CARNMT1: variants seen among roughly 807,000 people sequenced by gnomAD.
CARNMT1 encodes carnosine N-methyltransferase 1, also known as protein-L-histidine N-pros-methyltransferase CARNMT1.
Under a neutral mutation model 49.6 loss-of-function variants are expected in CARNMT1, and 28 were observed. That is an observed-to-expected ratio of 0.56 (90% CI 0.42 to 0.77). The LOEUF (loss-of-function observed/expected upper bound fraction) is 0.77. Ranked by LOEUF, CARNMT1 falls within the 30% of genes least tolerant of loss-of-function variation. The probability of loss-of-function intolerance (pLI) is 0.00; values close to 1 mark genes in which losing one functional copy is unlikely to be tolerated. For synonymous variants in CARNMT1, 178 were observed against 175.0 expected (o/e 1.02, Z -0.13); for missense variants, 421 against 512.6 (o/e 0.82, Z 1.73).
intron 3 of CARNMT1, among the ~76,000 whole-genome samples, chr9:75,011,649 T>C (rs760995403): frequency 9.9e-5 from 15 of 152,184 alleles, no homozygotes; most frequent in Non-Finnish European, 1.5e-4. Flanking sequence ...ATTATAGACA[T>C]GAGCCTTGAC....
intron 6 of CARNMT1, among the ~76,000 whole-genome samples, 166 bp from the exon 7 acceptor site, chr9:74,985,176 A>C (rs1832796195): frequency 6.6e-6 from 1 of 152,170 alleles, no homozygotes; most frequent in Admixed American, 6.5e-5. Context: ...CTAGTATCTC[A>C]AGAGTTGGGC....
intron 6 of CARNMT1, chr9:74,991,273 G>A (rs1286560223): frequency 1.3e-5 from 2 of 152,342 alleles, no homozygotes; most frequent in Non-Finnish European, 2.9e-5. Flanking sequence ...CTCCCGAGTA[G>A]CTGTGACTAC....
chr9:75,000,388 G>C (rs973984323), intron 3 of CARNMT1, among the ~76,000 whole-genome samples: 1 of 152,044 alleles, frequency 6.6e-6, no homozygotes, highest in Non-Finnish European at 1.5e-5. Flanking sequence ...GAAGAATTTG[G>C]GGGAGGGGAT....
rs752851220 is a variant in CARNMT1, at chr9:75,009,060, C to CT, written c.590+7207dup. ...GACCATTCAATCGGGAAAGGACAGT[C>CT]TTTTTTTTTTTTTTTTTTTTTAACA... On this transcript the variant is annotated intron_variant, in intron 3 of 7. Coordinates refer to ENST00000376834, the MANE Select transcript of CARNMT1 (RefSeq NM_152420.3). 9.6e-3 allele frequency among the ~76,000 whole-genome samples: 1,206 copies of CT among 125,492 alleles called. 7 individuals are homozygous for CT. The highest frequency in any genetic ancestry group is 0.022 in the South Asian group (85 of 3,820). 82.3% of individuals were successfully genotyped at this position (125,492 alleles called of 152,430 possible).
chr9:74,996,239 C>T, intron 6 of CARNMT1: 2 of 454,016 alleles, frequency 4.4e-6, no homozygotes, highest in Non-Finnish European at 7.8e-6. Context: ...GTGAGACTGA[C>T]CTAAGTGTGA....
intron 3 of CARNMT1, among the ~76,000 whole-genome samples, chr9:75,006,401 C>T (rs540455543): frequency 5.3e-5 from 8 of 152,200 alleles, no homozygotes; most frequent in East Asian, 1.9e-4. Flanking sequence ...GACAAAGCTA[C>T]GATTTTAATA....
At chr9:75,013,708 A>T (rs1833764695) in intron 3 of CARNMT1, among the ~76,000 whole-genome samples, 1 of 152,140 alleles carries the variant, frequency 6.6e-6, no homozygotes, top group Admixed American at 6.6e-5. Context: ...GGTAATTATA[A>T]AGAAAAACAA....
intron 6 of CARNMT1, among the ~76,000 whole-genome samples, chr9:74,995,459 CT>C (rs1167873275): frequency 6.6e-6 from 1 of 152,110 alleles, no homozygotes; most frequent in Admixed American, 6.5e-5. Context: ...AAGGTAACTA[CT>C]TTTAAAGAAG....
intron 6 of CARNMT1, among the ~76,000 whole-genome samples, chr9:74,985,619 A>C (rs1832811632): frequency 6.6e-6 from 1 of 151,634 alleles, no homozygotes. Flanking sequence ...TCTGTTGCCC[A>C]GGAAGGGTGG....
At chr9:75,016,957 T>A in intron 2 of CARNMT1, 1 of 407,464 alleles carries the variant, frequency 2.5e-6, no homozygotes. Context: ...AATTTCTAGC[T>A]AGTAAAGTTG....
intron 3 of CARNMT1, among the ~76,000 whole-genome samples, chr9:75,011,512 C>T (rs1219699516): frequency 6.6e-6 from 1 of 152,174 alleles, no homozygotes; most frequent in Non-Finnish European, 1.5e-5. Context: ...CAGGACTATA[C>T]AAGTGCATGC....
chr9:74,998,009 T>C (rs769905361), intron 5 of CARNMT1, among the ~76,000 whole-genome samples: 1 of 152,164 alleles, frequency 6.6e-6, no homozygotes, highest in Non-Finnish European at 1.5e-5. Context: ...CTTTCCCTAT[T>C]ACCATCTCCC....
At chr9:74,995,962 A>G (rs1433990958) in intron 6 of CARNMT1, 2 of 152,206 alleles carry the variant, frequency 1.3e-5, no homozygotes, top group East Asian at 3.9e-4. Flanking sequence ...ATTTTGCATA[A>G]AAAAAATTGT....
chr9:75,027,435 C>G, intron 1 of CARNMT1: 1 of 985,398 alleles, frequency 1.0e-6, no homozygotes, highest in Non-Finnish European at 1.2e-6. Flanking sequence ...AATCACCCAC[C>G]AGTTAAAGAC....
At chr9:75,014,890 T>C (rs896533366) in intron 3 of CARNMT1, among the ~76,000 whole-genome samples, 2 of 150,600 alleles carry the variant, frequency 1.3e-5, no homozygotes, top group African/African-American at 4.9e-5. Flanking sequence ...TAACAAAAAA[T>C]AAAGAGAGAG....
At chr9:75,016,968 C>A (rs1169263926) in intron 2 of CARNMT1, 2 of 412,350 alleles carry the variant, frequency 4.9e-6, no homozygotes, top group Non-Finnish European at 4.3e-6. Context: ...AGTAAAGTTG[C>A]TTTTAAAAAT....
chr9:74,989,309 C>G (rs751038192), intron 6 of CARNMT1, among the ~76,000 whole-genome samples: 13 of 151,958 alleles, frequency 8.6e-5, no homozygotes, highest in Non-Finnish European at 1.6e-4. Flanking sequence ...GATGAAGGGT[C>G]TTGCTGTGTT....
intron 1 of CARNMT1, among the ~76,000 whole-genome samples, chr9:75,017,707 GA>G (rs1833893694): frequency 6.6e-6 from 1 of 152,078 alleles, no homozygotes; most frequent in Non-Finnish European, 1.5e-5. Flanking sequence ...ATTAGAAGAG[GA>G]AAAAGAAGAT....
At chr9:75,002,169 G>C (rs1833377841) in intron 3 of CARNMT1, among the ~76,000 whole-genome samples, 1 of 152,158 alleles carries the variant, frequency 6.6e-6, no homozygotes, top group Admixed American at 6.6e-5. Context: ...TGTCTAAAGA[G>C]GCCATAGATC....
Sources: allele counts gnomAD v4.1 joint callset (sites outside exome capture counted in the v4.1 genomes callset), GRCh38; gene constraint gnomAD v4.1.1; transcripts MANE v1.5; gene names NCBI Gene and HGNC (gene_info 2026-07-23, HGNC 2026-07-21).